Variants in PARM1 observed in about 807,000 individuals in gnomAD.
PARM1 encodes the protein WSC4, cell wall integrity and stress response component 4 homolog.
A neutral mutation model predicts 24.6 loss-of-function variants in PARM1; 14 were observed. The observed-to-expected ratio is 0.57, with a 90% CI of 0.38 to 0.89. The LOEUF (loss-of-function observed/expected upper bound fraction) is 0.89. PARM1 is among the 40% of genes least tolerant of loss of function. PARM1 has a pLI of 0.00. For synonymous variants in PARM1, 179 were observed against 156.6 expected, an observed-to-expected ratio of 1.14 and a Z score of -1.07; for missense variants, 362 against 380.4, an observed-to-expected ratio of 0.95 and a Z score of 0.40.
At chr4:74,942,281 A>G (rs1436969069) in intron 1 of PARM1, among the ~76,000 whole-genome samples, 2 of 152,224 alleles carry the variant, frequency 1.3e-5, no homozygotes, top group Non-Finnish European at 2.9e-5. Context: ...ATAAATTTTC[A>G]TTCAGTTAAT....
intron 2 of PARM1, among the ~76,000 whole-genome samples, chr4:75,018,453 A>G (rs1251842148): frequency 6.6e-6 from 1 of 152,162 alleles, no homozygotes; most frequent in African/African-American, 2.4e-5. Context: ...CAGATTTGGA[A>G]CCATGTATGC....
chr4:74,955,702 C>G (rs1721617444), intron 1 of PARM1, among the ~76,000 whole-genome samples: 1 of 152,176 alleles, frequency 6.6e-6, no homozygotes, highest in Admixed American at 6.5e-5. Flanking sequence ...ATGAATTCAT[C>G]TCACCCTCAG....
At chr4:75,018,640 G>A (rs938798470) in intron 2 of PARM1, among the ~76,000 whole-genome samples, 5 of 152,162 alleles carry the variant, frequency 3.3e-5, no homozygotes, top group Non-Finnish European at 7.3e-5. Flanking sequence ...CTTTACAGAA[G>A]ACATGAGGTT....
In PARM1 at chr4:75,049,857, C is replaced by CTTTTTTTTTTT. The variant is rs958932898; in HGVS notation, c.*3618_*3619insTTTTTTTTTTT. On this transcript the variant is annotated 3_prime_UTR_variant, in exon 4 of 4. Coordinates refer to ENST00000307428, the MANE Select transcript of PARM1 (RefSeq NM_015393.4). ...TGATTCACCTTCTTTGCCTTTAAGCCTTTTTTTTCTTTTTTTTTTTTTTGG... is the reference window on the plus strand; with the variant it reads ...TGATTCACCTTCTTTGCCTTTAAGCCTTTTTTTTTTTTTTTTTTTCTTTTTTTTTTTTTTGG... The CTTTTTTTTTTT allele has an allele frequency of 7.2e-6, 1 of 138,688 alleles. No individual in the cohort carries two copies. Among genetic ancestry groups the CTTTTTTTTTTT allele is most frequent in the Non-Finnish European group, 1.5e-5 (1 of 65,992 alleles). The allele number at this position is 138,688 out of a possible 1,614,324, so 8.6% of individuals were successfully genotyped here.
chr4:74,957,780 C>G (rs1170853871), intron 1 of PARM1, among the ~76,000 whole-genome samples: 1 of 152,096 alleles, frequency 6.6e-6, no homozygotes, highest in Non-Finnish European at 1.5e-5. Context: ...TAACTGTGCA[C>G]CAAGACCTTT....
intron 1 of PARM1, among the ~76,000 whole-genome samples, chr4:74,934,989 C>CTTTTTTTTTT (rs1721147450): frequency 9.2e-5 from 1 of 10,872 alleles, no homozygotes; most frequent in Admixed American, 1.8e-3. Flanking sequence ...CCAAGAAGCT[C>CTTTTTTTTTT]TTTTTTCTTT....
intron 1 of PARM1, chr4:74,955,978 AC>A (rs1721622763): frequency 6.6e-6 from 1 of 152,254 alleles, no homozygotes; most frequent in Non-Finnish European, 1.5e-5. Flanking sequence ...AAGAAATCAG[AC>A]TAGTAGCAAG....
At chr4:75,012,341 C>T (rs981937325) in intron 1 of PARM1, 84 bp from the exon 2 acceptor site, 12 of 1,427,956 alleles carry the variant, frequency 8.4e-6, no homozygotes, top group African/African-American at 1.4e-5. Flanking sequence ...TGCTGTAAAA[C>T]AGCTGTGGGT....
chr4:74,982,731 T>G (rs1048718509), intron 1 of PARM1, among the ~76,000 whole-genome samples: 1 of 152,218 alleles, frequency 6.6e-6, no homozygotes, highest in African/African-American at 2.4e-5. Flanking sequence ...TCTGGGAACA[T>G]ATTCAGAGAA....
chr4:75,008,904 A>G lies in PARM1; in HGVS notation c.44-3521A>G, dbSNP rs530393817. On this transcript the variant is annotated intron_variant, in intron 1 of 3. Transcript: ENST00000307428. ...ATCTGCCTATCTATTACATGATGCT[A>G]TGAATGGTAAATGGTGTCATTTTTT... Among the ~76,000 whole-genome samples, 114 of 149,824 alleles carry G rather than the reference A, an allele frequency of 7.6e-4. 1 individual carries two copies. The highest frequency in any genetic ancestry group is 2.2e-3 in the Admixed American group (33 of 15,058).
chr4:74,936,613 C>T (rs1216083783), intron 1 of PARM1, among the ~76,000 whole-genome samples: 1 of 151,800 alleles, frequency 6.6e-6, no homozygotes, highest in African/African-American at 2.4e-5. Context: ...GCCACCACAC[C>T]CGTCTAATTT....
At position 74,961,898 on chromosome 4, in the gene PARM1, G is replaced by A. The variant is rs191621140; in HGVS notation, c.43+28528G>A. ...AATAAATAATAAAGATCTCAATAAA[G>A]GTAAATACATGAACAGTTATAAAAT... On this transcript the variant is annotated intron_variant, in intron 1 of 3. Transcript: ENST00000307428. Among the ~76,000 whole-genome samples, 712 of 152,110 alleles carry A rather than the reference G, an allele frequency of 4.7e-3. 2 individuals carry two copies. The highest frequency in any genetic ancestry group is 7.4e-3 in the Non-Finnish European group (501 of 67,970).
chr4:75,046,475 G>T lies in PARM1; in HGVS notation c.*228G>T. The T allele has an allele frequency of 2.2e-6, 1 of 444,536 alleles. No homozygotes were observed. The highest frequency in any genetic ancestry group is 2.3e-5 in the South Asian group (1 of 43,268). The allele number at this position is 444,536 out of a possible 1,614,324, so 27.5% of individuals were successfully genotyped here. On this transcript the variant is annotated 3_prime_UTR_variant, in exon 4 of 4. Coordinates refer to ENST00000307428, the MANE Select transcript of PARM1 (RefSeq NM_015393.4). The stretch of plus-strand genomic sequence containing the variant: ...GTGGAGGCTGATTTGCAGCTGAAGT[G>T]GGCCAGCCTTGCACCAGCCAGGCCA...
intron 1 of PARM1, among the ~76,000 whole-genome samples, chr4:74,949,431 G>A (rs1266870190): frequency 6.6e-6 from 1 of 152,064 alleles, no homozygotes; most frequent in Non-Finnish European, 1.5e-5. Flanking sequence ...CCATCCTCCT[G>A]CCTCCCAAGT....
chr4:74,973,390 T>C (rs1722076862), intron 1 of PARM1, among the ~76,000 whole-genome samples: 1 of 152,306 alleles, frequency 6.6e-6, no homozygotes, highest in East Asian at 1.9e-4. Flanking sequence ...GATCTCAGCA[T>C]ATAAAATGCT....
chr4:75,046,694 C>T lies in PARM1; in HGVS notation c.*447C>T, dbSNP rs1368439696. ...GGAAATGAGCTCTACGAGGATTTCA[C>T]CCTGCATGGGAGAGAGCAGGGTTTT... is the stretch of plus-strand genomic sequence containing the variant. On this transcript the variant is annotated 3_prime_UTR_variant, in exon 4 of 4. Coordinates refer to ENST00000307428, the MANE Select transcript of PARM1 (RefSeq NM_015393.4). 1 of 158,548 alleles carries T rather than the reference C, an allele frequency of 6.3e-6. No individual in the cohort carries two copies. Among genetic ancestry groups the T allele is most frequent in the Non-Finnish European group, 1.4e-5 (1 of 71,736 alleles). The allele number at this position is 158,548 out of a possible 1,614,324, so 9.8% of individuals were successfully genotyped here.
At chr4:74,977,536 C>T (rs1451690536) in intron 1 of PARM1, among the ~76,000 whole-genome samples, 1 of 152,118 alleles carries the variant, frequency 6.6e-6, no homozygotes, top group Non-Finnish European at 1.5e-5. Context: ...AGTTGGAAAA[C>T]ATTCATCAGG....
chr4:75,022,345 G>T (rs1055647372), intron 2 of PARM1, among the ~76,000 whole-genome samples: 1 of 152,108 alleles, frequency 6.6e-6, no homozygotes, highest in African/African-American at 2.4e-5. Flanking sequence ...AAATTATTCC[G>T]AATTATTGTC....
chr4:74,955,797 A>G (rs1443900357), intron 1 of PARM1, among the ~76,000 whole-genome samples: 1 of 152,244 alleles, frequency 6.6e-6, no homozygotes. Context: ...CAGTAAACAT[A>G]GAAGTCAGTT....
Sources: gnomAD v4.1 joint callset for allele counts (sites outside exome capture counted in the v4.1 genomes callset) on GRCh38, gnomAD v4.1.1 for gene constraint, MANE v1.5 for transcripts, NCBI Gene and HGNC (gene_info 2026-07-23, HGNC 2026-07-21) for gene names.